POLA1: variants seen among roughly 807,000 people sequenced by gnomAD.
POLA1 encodes DNA polymerase alpha 1, catalytic subunit, also known as DNA polymerase alpha catalytic subunit.
POLA1 carries 15 observed loss-of-function variants against 124.0 expected under a neutral mutation model. The observed-to-expected ratio is 0.12, with a 90% CI of 0.08 to 0.19. The LOEUF (loss-of-function observed/expected upper bound fraction) is 0.19, where lower values mean the gene tolerates loss of function less well. Ranked by LOEUF, POLA1 falls within the 10% of genes least tolerant of loss-of-function variation. The pLI is 1.00. For synonymous variants in POLA1, 408 were observed against 389.4 expected (o/e 1.05, Z -0.56); for missense variants, 886 against 1,103.4 (o/e 0.80, Z 2.79).
intron 36 of POLA1, among the ~76,000 whole-genome samples, chrX:24,955,418 A>G (rs956468978): frequency 9.1e-6 from 1 of 109,538 alleles, no homozygotes; most frequent in Non-Finnish European, 1.9e-5. Context: ...GGGCTCAAGC[A>G]GTCCTCTCAC....
intron 35 of POLA1, among the ~76,000 whole-genome samples, chrX:24,891,422 A>G (rs748198165): frequency 9.0e-6 from 1 of 111,318 alleles, no homozygotes; most frequent in Admixed American, 9.5e-5. Flanking sequence ...ACTCTTATGT[A>G]CTCGATTTTG....
intron 35 of POLA1, among the ~76,000 whole-genome samples, chrX:24,911,896 A>C (rs1377209870): frequency 8.9e-6 from 1 of 112,488 alleles, no homozygotes; most frequent in Non-Finnish European, 1.9e-5. Context: ...TCAGTAGTCC[A>C]ATATTATGTC....
chrX:24,869,211 G>T (rs747694933), intron 34 of POLA1, among the ~76,000 whole-genome samples: 1 of 112,799 alleles, frequency 8.9e-6, no homozygotes, highest in South Asian at 3.7e-4. Context: ...TGGGATTACA[G>T]GCATGAGCCA....
intron 35 of POLA1, among the ~76,000 whole-genome samples, chrX:24,921,983 CT>C (rs748612635): frequency 3.7e-5 from 4 of 108,344 alleles, no homozygotes; most frequent in Admixed American, 2.0e-4. Flanking sequence ...GAACAAGTGG[CT>C]TTTTTTGGCC....
At chrX:24,902,592 A>T in intron 35 of POLA1, among the ~76,000 whole-genome samples, 1 of 111,869 alleles carries the variant, frequency 8.9e-6, no homozygotes, top group Non-Finnish European at 1.9e-5. Context: ...TTAAGAAAGT[A>T]TTAAGGGTGT....
At chrX:24,884,499 A>G (rs2047041132) in intron 34 of POLA1, among the ~76,000 whole-genome samples, 1 of 112,293 alleles carries the variant, frequency 8.9e-6, no homozygotes, top group Non-Finnish European at 1.9e-5. Flanking sequence ...AGATTTAGCT[A>G]GCCGGTTGGC....
At chrX:24,735,572 G>C in intron 18 of POLA1, 84 bp downstream of exon 18, 1 of 553,147 alleles carries the variant, frequency 1.8e-6, no homozygotes, top group Non-Finnish European at 3.1e-6. Flanking sequence ...CTTTTGAGCA[G>C]CAAATAATCT....
At chrX:24,967,907 C>T (rs1333761159) in intron 36 of POLA1, among the ~76,000 whole-genome samples, 1 of 111,466 alleles carries the variant, frequency 9.0e-6, no homozygotes, top group Non-Finnish European at 1.9e-5. Context: ...CTCAGTTGGC[C>T]AGTATCCAGC....
chrX:24,738,082 G>C (rs1454735403), intron 19 of POLA1, among the ~76,000 whole-genome samples: 1 of 104,307 alleles, frequency 9.6e-6, no homozygotes, highest in Admixed American at 9.9e-5. Context: ...GCGCGGTGGC[G>C]GGCGCCTGTA....
At chrX:24,707,732 G>T (rs900519932) in intron 4 of POLA1, among the ~76,000 whole-genome samples, 1 of 112,536 alleles carries the variant, frequency 8.9e-6, no homozygotes, top group South Asian at 3.6e-4. Flanking sequence ...GGTGGCTCAC[G>T]CCTGTAATCC....
chrX:24,732,370 A>G lies in POLA1; in HGVS notation c.1687A>G (p.Ile563Val). 8.5e-7 allele frequency: 1 copy of G among 1,182,754 alleles called. No homozygotes were observed. The highest frequency in any genetic ancestry group is 1.2e-6 in the Non-Finnish European group (1 of 869,502). The change falls in exon 16 of 37, where the codon ATT becomes GTT. Residue 563 changes from isoleucine to valine, a missense_variant and splice_region_variant. Ile to Val is a conservative substitution (Grantham distance 29, BLOSUM62 3). Around this residue, in one of 7 missense-constraint regions of POLA1, gnomAD observed 337 missense variants for 402.8 expected, o/e 0.84. Transcript: ENST00000379068. ...GGGTTTTTTCCTCCTTTCTTTGCAG[A>G]TTATTGCTATGGCAGCTTTGGTCCA... ...MQNAKNHQNE[I>V]IAMAALVHHS... is the part of the protein sequence containing the mutation.
intron 34 of POLA1, among the ~76,000 whole-genome samples, chrX:24,868,346 G>A (rs1484243335): frequency 1.8e-5 from 2 of 111,812 alleles, no homozygotes; most frequent in Non-Finnish European, 3.8e-5. Flanking sequence ...GGATTGTTTT[G>A]GAGCTTTCAG....
intron 26 of POLA1, among the ~76,000 whole-genome samples, chrX:24,749,562 G>A (rs1932210186): frequency 1.8e-5 from 2 of 111,234 alleles, no homozygotes; most frequent in Non-Finnish European, 3.8e-5. Context: ...GGATTAGCTT[G>A]GAGTGTGAGT....
chrX:24,711,984 T>A (rs1929481913), intron 4 of POLA1, among the ~76,000 whole-genome samples: 2 of 112,795 alleles, frequency 1.8e-5, no homozygotes, highest in African/African-American at 6.4e-5. Flanking sequence ...TATGAATGTC[T>A]GTTTCTCTAC....
At chrX:24,882,531 AAT>A (rs1238533773) in intron 34 of POLA1, among the ~76,000 whole-genome samples, 1 of 110,949 alleles carries the variant, frequency 9.0e-6, no homozygotes, top group East Asian at 2.8e-4. Flanking sequence ...ATGTGTACCC[AAT>A]GTTTAGCTCC....
intron 2 of POLA1, 47 bp from the exon 3 acceptor site, chrX:24,703,204 T>C: frequency 1.1e-5 from 10 of 936,630 alleles, no homozygotes; most frequent in Non-Finnish European, 1.5e-5. Flanking sequence ...TTTAACACTT[T>C]GACTCCTCTA....
chrX:24,960,778 A>G, intron 36 of POLA1, among the ~76,000 whole-genome samples: 1 of 111,793 alleles, frequency 8.9e-6, no homozygotes, highest in African/African-American at 3.3e-5. Context: ...TGACAAACTT[A>G]GAGAACCATA....
chrX:24,741,484 A>G lies in POLA1; in HGVS notation c.2326A>G (p.Asn776Asp), dbSNP rs2148392362. ...NVLPLALQIT[N>D]IAGNIMSRTL... is the part of the protein sequence containing the mutation. ...TCTTCCATTAGCATTGCAGATCACT[A>G]ACATCGCTGGGAACATTATGGTAAA... The change falls in exon 21 of 37, where the codon AAC (asparagine) becomes GAC (aspartate). Residue 776 changes from asparagine to aspartate, a missense_variant. Physicochemically the swap from Asn to Asp is conservative, Grantham distance 23. Transcript: ENST00000379068. The G allele has an allele frequency of 4.1e-6, 5 of 1,205,235 alleles. No individual in the cohort carries two copies. The East Asian group carries it at 1.5e-4, about 36-fold the overall frequency.
At chrX:24,993,970 C>T (rs2048567795) in intron 36 of POLA1, among the ~76,000 whole-genome samples, 1 of 111,985 alleles carries the variant, frequency 8.9e-6, no homozygotes, top group Non-Finnish European at 1.9e-5. Context: ...GTCAATATCC[C>T]ATCAGCAGAG....
Sources: allele counts gnomAD v4.1 joint callset (sites outside exome capture counted in the v4.1 genomes callset), GRCh38; gene constraint gnomAD v4.1.1; regional missense constraint gnomAD v4.1.1; transcripts MANE v1.5; gene names NCBI Gene and HGNC (gene_info 2026-07-23, HGNC 2026-07-21).